Variants in DKK2 observed in about 807,000 individuals in gnomAD.
The protein encoded by DKK2 is dickkopf Wnt signaling pathway inhibitor 2.
A neutral mutation model predicts 28.1 loss-of-function variants in DKK2; 11 were observed. The observed-to-expected ratio is 0.39, with a 90% CI of 0.25 to 0.65. DKK2 has a LOEUF of 0.65. Ranked by LOEUF, DKK2 falls within the 30% of genes least tolerant of loss-of-function variation. The pLI, the probability that DKK2 is intolerant of heterozygous loss-of-function variation, is 0.47. For synonymous variants in DKK2, 135 were observed against 126.5 expected, an observed-to-expected ratio of 1.07 and a Z score of -0.45; for missense variants, 326 against 335.5, an observed-to-expected ratio of 0.97 and a Z score of 0.22.
chr4:106,936,201 G>A (rs936818665), intron 1 of DKK2, among the ~76,000 whole-genome samples: 2 of 152,052 alleles, frequency 1.3e-5, no homozygotes, highest in African/African-American at 2.4e-5. Flanking sequence ...CAAAGGCAAA[G>A]AAGTTGAAAA....
intron 1 of DKK2, among the ~76,000 whole-genome samples, chr4:107,003,307 G>A (rs1308082063): frequency 2.0e-5 from 3 of 152,182 alleles, no homozygotes; most frequent in African/African-American, 4.8e-5. Context: ...TCAGATGACC[G>A]ATCTGCACAT....
At chr4:106,935,794 G>A (rs1007035270) in intron 1 of DKK2, among the ~76,000 whole-genome samples, 33 of 152,222 alleles carry the variant, frequency 2.2e-4, no homozygotes, top group African/African-American at 7.5e-4. Flanking sequence ...GCCTCCTCAA[G>A]TGGGTCTCTG....
intron 1 of DKK2, among the ~76,000 whole-genome samples, chr4:106,938,623 C>T (rs1246452326): frequency 1.3e-5 from 2 of 152,150 alleles, no homozygotes; most frequent in African/African-American, 4.8e-5. Context: ...AGGCCAGCAT[C>T]ATTCTGATAC....
chr4:106,992,215 T>A (rs1479734678), intron 1 of DKK2, among the ~76,000 whole-genome samples: 5 of 152,202 alleles, frequency 3.3e-5, no homozygotes, highest in Non-Finnish European at 4.4e-5. Context: ...ATGAAAGATG[T>A]TCATTAGGAT....
intron 1 of DKK2, among the ~76,000 whole-genome samples, chr4:107,028,174 T>TC (rs1560595221): frequency 6.7e-6 from 1 of 148,900 alleles, no homozygotes; most frequent in Admixed American, 6.8e-5. Flanking sequence ...TATCCTCTCT[T>TC]AATGTAAACA....
chr4:107,030,518 C>A (rs1182616563), intron 1 of DKK2, among the ~76,000 whole-genome samples: 1 of 151,882 alleles, frequency 6.6e-6, no homozygotes, highest in Admixed American at 6.6e-5. Flanking sequence ...ATCACATAAA[C>A]CTTTTGAACA....
intron 1 of DKK2, among the ~76,000 whole-genome samples, chr4:106,962,489 CTATGTGTGTGTG>C (rs1176341886): frequency 3.5e-5 from 4 of 112,992 alleles, no homozygotes; most frequent in East Asian, 2.9e-4. Flanking sequence ...GCCAGAAAAA[CTATGTGTGTGTG>C]TGTGTGTGTG....
chr4:106,975,180 C>A (rs1268029434), intron 1 of DKK2, among the ~76,000 whole-genome samples: 2 of 152,154 alleles, frequency 1.3e-5, no homozygotes, highest in Non-Finnish European at 2.9e-5. Flanking sequence ...TGATGTTCAT[C>A]AGGGACATTG....
At position 106,934,695 on chromosome 4, in the gene DKK2, A is replaced by G. The variant is rs889575637; in HGVS notation, c.223-8746T>C. On this transcript the variant is annotated intron_variant, in intron 1 of 3. Coordinates refer to ENST00000285311, the MANE Select transcript of DKK2 (RefSeq NM_014421.3). ...TTCCTCTAGGAATTAAGCCAGATCA[A>G]TAGTCAAATTCTACTCTGCTTTTGA... Among the ~76,000 whole-genome samples, 9 of 152,346 alleles carry G rather than the reference A, an allele frequency of 5.9e-5. No homozygotes were observed. In the Middle Eastern group the frequency reaches 0.017, roughly 288 times the overall value.
At chr4:106,942,980 A>G (rs1268649394) in intron 1 of DKK2, among the ~76,000 whole-genome samples, 1 of 152,128 alleles carries the variant, frequency 6.6e-6, no homozygotes, top group Non-Finnish European at 1.5e-5. Context: ...CTCCAGCTGT[A>G]CGGTACTACT....
chr4:107,009,491 C>T (rs1402927008), intron 1 of DKK2, among the ~76,000 whole-genome samples: 1 of 151,648 alleles, frequency 6.6e-6, no homozygotes, highest in East Asian at 1.9e-4. Flanking sequence ...TGAATAAAAC[C>T]ACAAAAGAGC....
At chr4:106,949,674 AAGGAAATC>A (rs1336935823) in intron 1 of DKK2, among the ~76,000 whole-genome samples, 1 of 152,146 alleles carries the variant, frequency 6.6e-6, no homozygotes, top group Non-Finnish European at 1.5e-5. Context: ...ATATGGAATG[AAGGAAATC>A]AGCTTTAAAT....
intron 1 of DKK2, among the ~76,000 whole-genome samples, chr4:107,003,157 T>A (rs1387548130): frequency 2.6e-5 from 4 of 152,202 alleles, no homozygotes; most frequent in African/African-American, 9.6e-5. Flanking sequence ...CGTGGTTTAC[T>A]GGCAATTTTC....
chr4:107,000,668 G>A (rs756237699), intron 1 of DKK2, among the ~76,000 whole-genome samples: 1 of 152,034 alleles, frequency 6.6e-6, no homozygotes, highest in South Asian at 2.1e-4. Context: ...AATATAGCAT[G>A]CCCATATAAG....
intron 1 of DKK2, among the ~76,000 whole-genome samples, chr4:107,004,253 T>A (rs1404842033): frequency 6.6e-6 from 1 of 152,200 alleles, no homozygotes; most frequent in Non-Finnish European, 1.5e-5. Context: ...ATTCAAGTGT[T>A]TAGAGATATG....
In DKK2 at chr4:107,027,480, A is replaced by G. The variant is rs553147260; in HGVS notation, c.222+7890T>C. On this transcript the variant is annotated intron_variant, in intron 1 of 3. Coordinates refer to ENST00000285311, the MANE Select transcript of DKK2 (RefSeq NM_014421.3). ...AAAATGAAAAAAAAAAAAAGAAAGA[A>G]AATGATATGGAAACAATGAATTCCC... is the stretch of plus-strand genomic sequence containing the variant. 2.6e-5 allele frequency among the ~76,000 whole-genome samples: 4 copies of G among 152,156 alleles called. No individual in the cohort carries two copies. In the East Asian group the frequency reaches 7.7e-4, roughly 29 times the overall value.
chr4:106,930,650 T>C (rs549194358), intron 1 of DKK2, among the ~76,000 whole-genome samples: 2 of 152,202 alleles, frequency 1.3e-5, no homozygotes, highest in Non-Finnish European at 2.9e-5. Context: ...CTCGTTTTTT[T>C]GTTGTTTTAA....
At position 107,035,622 on chromosome 4, in the gene DKK2, A is replaced by C; in HGVS notation, c.-31T>G. The C allele has an allele frequency of 6.2e-7, 1 of 1,610,844 alleles. No individual in the cohort carries two copies. Among genetic ancestry groups the C allele is most frequent in the South Asian group, 1.1e-5 (1 of 90,998 alleles). On this transcript the variant is annotated 5_prime_UTR_variant, in exon 1 of 4. Coordinates refer to ENST00000285311, the MANE Select transcript of DKK2 (RefSeq NM_014421.3). ...GGCGAGGGGGTCCCCAGGAAGACGCAAAGCCCGGAGGGGTGGGAATGCAAA... is the reference window on the plus strand; with the variant it reads ...GGCGAGGGGGTCCCCAGGAAGACGCCAAGCCCGGAGGGGTGGGAATGCAAA...
At chr4:107,004,249 G>T (rs1006930100) in intron 1 of DKK2, among the ~76,000 whole-genome samples, 1 of 152,146 alleles carries the variant, frequency 6.6e-6, no homozygotes, top group East Asian at 1.9e-4. Context: ...TGTGATTCAA[G>T]TGTTTAGAGA....
Sources: allele counts gnomAD v4.1 joint callset (sites outside exome capture counted in the v4.1 genomes callset), GRCh38; gene constraint gnomAD v4.1.1; transcripts MANE v1.5; gene names NCBI Gene and HGNC (gene_info 2026-07-23, HGNC 2026-07-21).